The following SPOCK1 variants were observed in gnomAD, a reference collection of about 807,000 sequenced individuals.
The protein encoded by SPOCK1 is testican-1.
A neutral mutation model predicts 55.3 loss-of-function variants in SPOCK1; 23 were observed. That is an observed-to-expected ratio of 0.42 (90% CI 0.30 to 0.59). SPOCK1 has a LOEUF of 0.59. Among genes scored for constraint, SPOCK1 ranks in the 20% least tolerant of loss-of-function variants. SPOCK1 has a pLI of 0.22. For missense variants in SPOCK1, 499 were observed against 552.5 expected (o/e 0.90, Z 0.97); for synonymous variants, 226 against 221.0 (o/e 1.02, Z -0.20).
intron 4 of SPOCK1, among the ~76,000 whole-genome samples, chr5:137,139,387 C>T (rs928950121): frequency 6.6e-6 from 1 of 152,076 alleles, no homozygotes; most frequent in African/African-American, 2.4e-5. Flanking sequence ...GGCAGGAGCT[C>T]CCTAGGCACA....
chr5:137,448,481 C>G (rs563483657), intron 2 of SPOCK1, among the ~76,000 whole-genome samples: 1 of 152,168 alleles, frequency 6.6e-6, no homozygotes, highest in South Asian at 2.1e-4. Context: ...CCAGAGATCC[C>G]CAAACACCTA....
At chr5:137,357,417 G>C (rs1473332429) in intron 2 of SPOCK1, among the ~76,000 whole-genome samples, 1 of 152,204 alleles carries the variant, frequency 6.6e-6, no homozygotes, top group Non-Finnish European at 1.5e-5. Context: ...CTAGGCACAG[G>C]GTGAGGCATT....
At chr5:137,027,390 T>C (rs963492582) in intron 6 of SPOCK1, among the ~76,000 whole-genome samples, 1 of 152,182 alleles carries the variant, frequency 6.6e-6, no homozygotes, top group Non-Finnish European at 1.5e-5. Flanking sequence ...AATCCCAAAG[T>C]GGCTTCTTTT....
chr5:137,223,923 C>T (rs1307671311), intron 3 of SPOCK1, among the ~76,000 whole-genome samples: 1 of 152,170 alleles, frequency 6.6e-6, no homozygotes, highest in Non-Finnish European at 1.5e-5. Flanking sequence ...TTGGAATCAC[C>T]TTAGTGCACG....
At chr5:137,240,067 T>C (rs996635137) in intron 3 of SPOCK1, among the ~76,000 whole-genome samples, 1 of 152,124 alleles carries the variant, frequency 6.6e-6, no homozygotes, top group African/African-American at 2.4e-5. Context: ...ATAGTACATA[T>C]GAAATAAAAT....
At chr5:137,264,136 G>A (rs767740748) in intron 3 of SPOCK1, among the ~76,000 whole-genome samples, 3 of 152,052 alleles carry the variant, frequency 2.0e-5, no homozygotes, top group Admixed American at 6.6e-5. Flanking sequence ...TCTGACCACC[G>A]GTGACAGCCA....
In SPOCK1 at chr5:137,270,873, A is replaced by G. The variant is rs1371542129; in HGVS notation, c.187-3818T>C. Among the ~76,000 whole-genome samples the G allele has an allele frequency of 2.0e-5, 3 of 152,152 alleles. 1 individual carries two copies. Among genetic ancestry groups the G allele is most frequent in the Non-Finnish European group, 4.4e-5 (3 of 68,028 alleles). On this transcript the variant is annotated intron_variant, in intron 2 of 10. Transcript: ENST00000394945. ...CAAAAGTAGCTAGGTGTGGTGGCAC[A>G]TGCCTGTAGTCCCAGCTACCCGAGA...
intron 2 of SPOCK1, among the ~76,000 whole-genome samples, chr5:137,388,604 C>T (rs1379799820): frequency 1.3e-5 from 2 of 152,084 alleles, no homozygotes; most frequent in Non-Finnish European, 2.9e-5. Flanking sequence ...AGGGCCCCAA[C>T]CCCAGAGGCA....
intron 6 of SPOCK1, among the ~76,000 whole-genome samples, chr5:137,037,691 C>T (rs1408224240): frequency 6.6e-6 from 1 of 152,112 alleles, no homozygotes; most frequent in African/African-American, 2.4e-5. Flanking sequence ...ATTCCTTGAA[C>T]TCATGGGAGT....
chr5:137,288,094 G>A (rs766365869), intron 2 of SPOCK1, among the ~76,000 whole-genome samples: 34 of 152,064 alleles, frequency 2.2e-4, no homozygotes, highest in Admixed American at 1.4e-3. Context: ...CCACTGTTAT[G>A]GTCCCAAGAG....
At chr5:137,287,895 C>A (rs1250503749) in intron 2 of SPOCK1, among the ~76,000 whole-genome samples, 1 of 152,018 alleles carries the variant, frequency 6.6e-6, no homozygotes, top group Admixed American at 6.5e-5. Context: ...AAGTCACAAG[C>A]CATAAAATTG....
At chr5:137,261,172 G>A (rs1290256093) in intron 3 of SPOCK1, among the ~76,000 whole-genome samples, 1 of 152,180 alleles carries the variant, frequency 6.6e-6, no homozygotes, top group East Asian at 1.9e-4. Flanking sequence ...TTCTTTTAGG[G>A]TGAGGCTAAA....
intron 2 of SPOCK1, among the ~76,000 whole-genome samples, chr5:137,270,083 CA>C (rs1318581142): frequency 1.3e-5 from 2 of 152,192 alleles, no homozygotes; most frequent in Non-Finnish European, 2.9e-5. Flanking sequence ...GTGTGGGCCC[CA>C]CACTTAAGCC....
chr5:137,167,858 G>A (rs1205894890), intron 3 of SPOCK1, among the ~76,000 whole-genome samples: 17 of 151,716 alleles, frequency 1.1e-4, no homozygotes, highest in Admixed American at 1.1e-3. Flanking sequence ...AGCTTTAATG[G>A]CCTATATCAA....
chr5:137,148,636 T>C (rs1754251584), intron 3 of SPOCK1, among the ~76,000 whole-genome samples: 1 of 152,154 alleles, frequency 6.6e-6, no homozygotes, highest in Non-Finnish European at 1.5e-5. Flanking sequence ...TGTCACCCAA[T>C]TAGGGGGCTG....
intron 6 of SPOCK1, among the ~76,000 whole-genome samples, chr5:136,995,662 AT>A (rs1233193939): frequency 6.6e-6 from 1 of 152,196 alleles, no homozygotes; most frequent in Admixed American, 6.5e-5. Flanking sequence ...TGCAGAGGAA[AT>A]CTCATGCTTC....
chr5:137,395,926 C>G (rs564435243), intron 2 of SPOCK1, among the ~76,000 whole-genome samples: 7 of 152,300 alleles, frequency 4.6e-5, no homozygotes, highest in South Asian at 2.1e-4. Context: ...CCAATCCCCC[C>G]CAATACAAAT....
chr5:137,170,516 C>T (rs551171434), intron 3 of SPOCK1, among the ~76,000 whole-genome samples: 1 of 152,060 alleles, frequency 6.6e-6, no homozygotes, highest in South Asian at 2.1e-4. Flanking sequence ...TAGATGACGT[C>T]ATGAAGTAGA....
intron 2 of SPOCK1, 107 bp downstream of exon 2, chr5:137,498,266 C>CCACACACACTCACA (rs1754341425): frequency 1.3e-6 from 1 of 746,994 alleles, no homozygotes; most frequent in African/African-American, 2.0e-5. Context: ...CCCCTCCCAA[C>CCACACACACTCACA]CACACACACA....
Sources: allele counts gnomAD v4.1 joint callset (sites outside exome capture counted in the v4.1 genomes callset), GRCh38; gene constraint gnomAD v4.1.1; transcripts MANE v1.5; gene names NCBI Gene and HGNC (gene_info 2026-07-23, HGNC 2026-07-21).